Variants in RANBP2 observed in about 807,000 individuals in gnomAD.
RANBP2 encodes E3 SUMO-protein ligase RanBP2.
Under a neutral mutation model 303.6 loss-of-function variants are expected in RANBP2, and 57 were observed. The observed-to-expected ratio is 0.19, with a 90% CI of 0.15 to 0.23. RANBP2 has a LOEUF of 0.23. Among genes scored for constraint, RANBP2 ranks in the 10% least tolerant of loss-of-function variants. The probability of loss-of-function intolerance (pLI) is 1.00; values close to 1 mark genes in which losing one functional copy is unlikely to be tolerated. For synonymous variants in RANBP2, 1,167 were observed against 1,301.5 expected (o/e 0.90, Z 2.23); for missense variants, 3,138 against 3,780.8 (o/e 0.83, Z 4.46).
the RANBP2 span, among the ~76,000 whole-genome samples, chr2:109,365,041 A>G: frequency 6.7e-6 from 1 of 149,040 alleles, no homozygotes; most frequent in Admixed American, 6.7e-5. Context: ...ACAGACACAC[A>G]CACACATATA....
At chr2:108,956,145 T>C in the RANBP2 span, among the ~76,000 whole-genome samples, 1 of 152,246 alleles carries the variant, frequency 6.6e-6, no homozygotes, top group South Asian at 2.1e-4. Flanking sequence ...TTTTAATGGA[T>C]TGAAAGTATC....
the RANBP2 span, among the ~76,000 whole-genome samples, chr2:109,133,388 T>C: frequency 6.6e-6 from 1 of 152,232 alleles, no homozygotes; most frequent in Non-Finnish European, 1.5e-5. Context: ...ATAATTTAAG[T>C]TGGAGAATCA....
the RANBP2 span, among the ~76,000 whole-genome samples, chr2:109,411,985 C>T: frequency 6.6e-6 from 1 of 152,210 alleles, no homozygotes; most frequent in Non-Finnish European, 1.5e-5. Context: ...TGGCCAAGGC[C>T]CCAGACCCCT....
chr2:109,057,701 G>C, the RANBP2 span, among the ~76,000 whole-genome samples: 1 of 152,328 alleles, frequency 6.6e-6, no homozygotes, highest in African/African-American at 2.4e-5. Context: ...CTGACGGTGG[G>C]GAGAGGTGCA....
At chr2:108,819,333 C>G in the RANBP2 span, among the ~76,000 whole-genome samples, 1 of 152,172 alleles carries the variant, frequency 6.6e-6, no homozygotes, top group Non-Finnish European at 1.5e-5. Context: ...CCTACCGTCT[C>G]CCTTGGGACA....
the RANBP2 span, among the ~76,000 whole-genome samples, chr2:109,293,453 C>T: frequency 2.0e-5 from 3 of 152,158 alleles, no homozygotes; most frequent in Admixed American, 1.3e-4. Context: ...CAGTGGTGAC[C>T]GGGCTGCCTG....
At chr2:109,565,934 G>C in the RANBP2 span, 37 of 1,270,870 alleles carry the variant, frequency 2.9e-5, no homozygotes, top group South Asian at 4.4e-4. Context: ...TTATGTGAGA[G>C]AGAAGAGAAT....
At chr2:109,750,607 CAT>C in the RANBP2 span, among the ~76,000 whole-genome samples, 1 of 49,908 alleles carries the variant, frequency 2.0e-5, no homozygotes, top group Non-Finnish European at 3.8e-5. Flanking sequence ...CTCTTGTCCA[CAT>C]GAGGCTATTG....
chr2:109,542,630 CTACCCTCCAG>C, the RANBP2 span, among the ~76,000 whole-genome samples: 1 of 152,200 alleles, frequency 6.6e-6, no homozygotes, highest in Admixed American at 6.5e-5. Flanking sequence ...CTCAGGTCAC[CTACCCTCCAG>C]GACTCCCTGC....
the RANBP2 span, among the ~76,000 whole-genome samples, chr2:109,639,793 C>T: frequency 6.6e-6 from 1 of 151,238 alleles, no homozygotes; most frequent in African/African-American, 2.4e-5. Flanking sequence ...TCACGGCAAC[C>T]TCCACCTCCT....
the RANBP2 span, among the ~76,000 whole-genome samples, chr2:109,191,934 G>C: frequency 2.0e-5 from 3 of 152,196 alleles, no homozygotes; most frequent in Middle Eastern, 6.8e-3. Context: ...AAAAACAGTT[G>C]AAAGTGGTGC....
At chr2:109,115,698 G>C in the RANBP2 span, among the ~76,000 whole-genome samples, 2 of 151,824 alleles carry the variant, frequency 1.3e-5, no homozygotes, top group Non-Finnish European at 2.9e-5. Context: ...TATTTTGCTC[G>C]TTAGTTGATG....
At chr2:109,107,992 G>A in the RANBP2 span, among the ~76,000 whole-genome samples, 1 of 151,708 alleles carries the variant, frequency 6.6e-6, no homozygotes, top group Admixed American at 6.6e-5. Context: ...TGCAAGCTCC[G>A]CCTCACGGGT....
the RANBP2 span, among the ~76,000 whole-genome samples, chr2:108,993,859 T>C: frequency 6.6e-6 from 1 of 152,130 alleles, no homozygotes; most frequent in Non-Finnish European, 1.5e-5. Flanking sequence ...AACAGACATT[T>C]GTTTCTCCCA....
chr2:108,731,235 T>A (rs182300306), intron 3 of RANBP2, 87 bp from the exon 4 acceptor site: 1 of 1,522,784 alleles, frequency 6.6e-7, no homozygotes, highest in Admixed American at 2.1e-5. Flanking sequence ...GAGTGATAAT[T>A]TTTTAACCTT....
At chr2:109,116,629 C>T in the RANBP2 span, among the ~76,000 whole-genome samples, 2 of 152,232 alleles carry the variant, frequency 1.3e-5, no homozygotes, top group Admixed American at 6.5e-5. Flanking sequence ...CTTCTCTCAA[C>T]TCGTCAAAGT....
chr2:109,682,045 C>T, the RANBP2 span, among the ~76,000 whole-genome samples: 1 of 152,198 alleles, frequency 6.6e-6, no homozygotes, highest in African/African-American at 2.4e-5. Context: ...ACCCCAGGCT[C>T]TTCTTTCAAC....
chr2:109,254,030 C>T, the RANBP2 span, among the ~76,000 whole-genome samples: 8 of 151,926 alleles, frequency 5.3e-5, no homozygotes, highest in African/African-American at 1.9e-4. Flanking sequence ...AGGCACCATT[C>T]ACATCACATT....
chr2:108,794,465 C>T, the RANBP2 span: 1 of 1,328,006 alleles, frequency 7.5e-7, no homozygotes, highest in Non-Finnish European at 1.0e-6. Flanking sequence ...AGCATCTCTT[C>T]CTAAAGGTTA....
Sources: gnomAD v4.1 joint callset for allele counts (sites outside exome capture counted in the v4.1 genomes callset) on GRCh38, gnomAD v4.1.1 for gene constraint, MANE v1.5 for transcripts, NCBI Gene and HGNC (gene_info 2026-07-23, HGNC 2026-07-21) for gene names.